Variants in JAK3 observed in about 807,000 individuals in gnomAD.
JAK3 encodes the protein Janus kinase 3, also known as tyrosine-protein kinase JAK3.
JAK3 carries 88 observed loss-of-function variants against 120.8 expected under a neutral mutation model. The observed-to-expected ratio is 0.73, with a 90% CI of 0.61 to 0.87. The LOEUF (loss-of-function observed/expected upper bound fraction) is 0.87, where lower values mean the gene tolerates loss of function less well. Ranked by LOEUF, JAK3 falls within the 40% of genes least tolerant of loss-of-function variation. The pLI is 0.00. For synonymous variants in JAK3, 592 were observed against 628.6 expected (o/e 0.94, Z 0.87); for missense variants, 1,254 against 1,501.4 (o/e 0.84, Z 2.72).
At chr19:17,840,058 C>T (rs147862784) in intron 9 of JAK3, among the ~76,000 whole-genome samples, 172 bp downstream of exon 9, 2 of 152,298 alleles carry the variant, frequency 1.3e-5, no homozygotes, top group Non-Finnish European at 2.9e-5. Context: ...TCTCCTAAAG[C>T]ACCATGAACT....
intron 14 of JAK3, among the ~76,000 whole-genome samples, 194 bp from the exon 15 acceptor site, chr19:17,835,409 C>T (rs2094222456): frequency 6.6e-6 from 1 of 152,190 alleles, no homozygotes; most frequent in Admixed American, 6.5e-5. Context: ...CCCTCCCCTT[C>T]TCAAACACCA....
chr19:17,839,738 CTTT>C (rs71164315), intron 9 of JAK3, 75 bp from the exon 10 acceptor site: 10,875 of 770,366 alleles, frequency 0.014, no homozygotes, highest in Middle Eastern at 0.019. Flanking sequence ...CCTTTTTTTT[CTTT>C]TTTTTTTTTT....
In JAK3 at chr19:17,844,225, T is replaced by C. The variant is rs201482044; in HGVS notation, c.184+9A>G. 1.9e-6 allele frequency: 3 copies of C among 1,581,914 alleles called. No individual in the cohort carries two copies. The highest frequency in any genetic ancestry group is 1.3e-5 in the African/African-American group (1 of 74,188). The stretch of plus-strand genomic sequence containing the variant: ...TCCCTCTGGCCCGATCCACTAGGGA[T>C]GCACTCACCGCTGGCCTTGGCAGCC... On this transcript the variant is annotated intron_variant, in intron 2 of 23. Transcript: ENST00000458235.
At chr19:17,839,170 A>C (rs2147690511) in intron 10 of JAK3, 1 of 511,088 alleles carries the variant, frequency 2.0e-6, no homozygotes, top group South Asian at 1.6e-5. Flanking sequence ...GGAGACTCAG[A>C]AGAACTCACA....
chr19:17,831,656 C>CG lies in JAK3; in HGVS notation c.2805+17dup, dbSNP rs2147676559. 3 of 1,601,064 alleles carry CG rather than the reference C, an allele frequency of 1.9e-6. No individual in the cohort carries two copies. In the South Asian group the frequency reaches 3.4e-5, roughly 18 times the overall value. The stretch of plus-strand genomic sequence containing the variant: ...GTGCCAGCTGAATCCCCACAAGTCC[C>CG]GGGGCGCCCCCTCGCACCTTGCAGA... On this transcript the variant is annotated intron_variant, in intron 20 of 23. Coordinates refer to ENST00000458235, the MANE Select transcript of JAK3 (RefSeq NM_000215.4). This position sits in a 1 kb window ranked among gnomAD's most constrained non-coding sequence, Gnocchi z 5.1.
intron 17 of JAK3, 145 bp from the exon 18 acceptor site, chr19:17,833,074 G>A: frequency 6.9e-7 from 1 of 1,442,550 alleles, no homozygotes; most frequent in East Asian, 2.5e-5. Flanking sequence ...GGTACCTTGT[G>A]GAGACTGGAA....
rs1372646193 is a variant in JAK3, at chr19:17,832,051, C to A, written c.2681-253G>T. On this transcript the variant is annotated intron_variant, in intron 19 of 23. Coordinates refer to ENST00000458235, the MANE Select transcript of JAK3 (RefSeq NM_000215.4). The surrounding 1 kb of genome is among the most constrained non-coding windows in gnomAD (Gnocchi z 4.7). ...GCACTTTGGAAGCCTCACTTGAGGT[C>A]AGGAGTTCAAGACCAGCCTGGCCAA... Among the ~76,000 whole-genome samples the A allele has an allele frequency of 6.6e-6, 1 of 152,164 alleles. No homozygotes were observed. The highest frequency in any genetic ancestry group is 2.4e-5 in the African/African-American group (1 of 41,442).
chr19:17,832,427 A>G lies in JAK3; in HGVS notation c.2680+92T>C. The G allele has an allele frequency of 8.0e-7, 1 of 1,250,702 alleles. No individual in the cohort carries two copies. The highest frequency in any genetic ancestry group is 1.2e-6 in the Non-Finnish European group (1 of 851,560). The allele number at this position is 1,250,702 out of a possible 1,614,324, so 77.5% of individuals were successfully genotyped here. A position where few individuals can be genotyped will look rare whatever the true frequency, so the allele number is the denominator to read the frequency against. ...AATCTGGATCAATAATCACGTTCCC[A>G]GCCTACCTAAAGTGGCCTGGCAGGA... On this transcript the variant is annotated intron_variant, in intron 19 of 23. Coordinates refer to ENST00000458235, the MANE Select transcript of JAK3 (RefSeq NM_000215.4). The surrounding 1 kb of genome is among the most constrained non-coding windows in gnomAD (Gnocchi z 4.7).
chr19:17,839,740 T>G, intron 9 of JAK3, 77 bp from the exon 10 acceptor site: 1 of 441,590 alleles, frequency 2.3e-6, no homozygotes, highest in Non-Finnish European at 3.2e-6. Context: ...TTTTTTTTCT[T>G]TTTTTTTTTT....
Position 17,826,858 on chromosome 19 carries a change from G to A in JAK3, c.3260C>T (p.Ser1087Leu). 6.2e-7 allele frequency: 1 copy of A among 1,613,836 alleles called. No individual in the cohort carries two copies. Among genetic ancestry groups the A allele is most frequent in the African/African-American group, 1.3e-5 (1 of 75,076 alleles). The change falls in exon 24 of 24, where the codon TCA becomes TTA. Residue 1087 changes from serine (S) to leucine (L), a missense_variant. Around this residue, in one of 3 missense-constraint regions of JAK3, gnomAD observed 630 missense variants for 819.8 expected, o/e 0.77. Transcript: ENST00000458235. ...CAGCTGGGGGCCCAGGGCGCTGAAT[G>A]ATGGCCGGTCCTGTGGGCTAGGGGC... ...CWAPSPQDRPSFSALGPQLDM... is the reference protein window; with the variant it reads ...CWAPSPQDRPLFSALGPQLDM...
In JAK3 at chr19:17,834,946, A is replaced by C; in HGVS notation, c.2105T>G (p.Leu702Arg). The C allele has an allele frequency of 1.2e-6, 2 of 1,614,164 alleles. No individual in the cohort carries two copies. The highest frequency in any genetic ancestry group is 1.7e-6 in the Non-Finnish European group (2 of 1,180,036). ...APECLREAQT[L>R]SLEADKWGFG... ...GCCCCACTTGTCAGCTTCCAAGCTA[A>C]GTGTCTGCGCCTCCCGGAGACACTC... The change falls in exon 16 of 24, where the codon CTT (leucine) becomes CGT (arginine). Residue 702 changes from leucine (L) to arginine (R), a missense_variant. Physicochemically the swap from Leu to Arg is moderately radical, Grantham distance 102. Around this residue, in one of 3 missense-constraint regions of JAK3, gnomAD observed 630 missense variants for 819.8 expected, o/e 0.77. Coordinates refer to ENST00000458235, the MANE Select transcript of JAK3 (RefSeq NM_000215.4).
chr19:17,838,499 G>T, intron 10 of JAK3, 109 bp from the exon 11 acceptor site: 2 of 1,215,504 alleles, frequency 1.6e-6, no homozygotes, highest in Non-Finnish European at 2.4e-6. Flanking sequence ...CCGACCCTGA[G>T]ATGAAGACTT....
chr19:17,830,817 T>C (rs538329364), intron 21 of JAK3, among the ~76,000 whole-genome samples, 197 bp from the exon 22 acceptor site: 11 of 82,738 alleles, frequency 1.3e-4, no homozygotes, highest in African/African-American at 5.2e-4. Context: ...GCTAAGGCTG[T>C]GGGGAGGAGG....
chr19:17,829,990 A>C lies in JAK3; in HGVS notation c.3207+118T>G, dbSNP rs868396379. 10 of 771,068 alleles carry C rather than the reference A, an allele frequency of 1.3e-5. No homozygotes were observed. In the African/African-American group the frequency reaches 1.5e-4, roughly 12 times the overall value. 47.8% of individuals were successfully genotyped at this position (771,068 alleles called of 1,614,324 possible). A position where few individuals can be genotyped will look rare whatever the true frequency, so the allele number is the denominator to read the frequency against. ...TAGCCAAGTGGGGGCCAGGATCCTC[A>C]TCGGCCTCACACTCTAGCCTTTCTT... On this transcript the variant is annotated intron_variant, in intron 23 of 23. Transcript: ENST00000458235.
Position 17,841,508 on chromosome 19 carries a change from G to T in JAK3, c.1023C>A (p.Phe341Leu). Residue 341 changes from phenylalanine (F) to leucine (L), a missense_variant, in exon 8 of 24, where the codon TTC (phenylalanine) becomes TTA (leucine). Phe to Leu is a conservative substitution (Grantham distance 22). Around this residue, in one of 3 missense-constraint regions of JAK3, gnomAD observed 486 missense variants for 503.0 expected, o/e 0.97. Transcript: ENST00000458235. This position sits in a 1 kb window ranked among gnomAD's most constrained non-coding sequence, Gnocchi z 4.1. ...GGAAGTAGCCGTCCACGAGCGCCAC[G>T]AACGACAGAGCCTCGGGCAGCCCTG... ...EFPGLPEALS[F>L]VALVDGYFRL... The T allele has an allele frequency of 6.3e-7, 1 of 1,578,556 alleles. No homozygotes were observed. Among genetic ancestry groups the T allele is most frequent in the East Asian group, 2.3e-5 (1 of 42,902 alleles).
At chr19:17,829,211 C>T (rs2094209362) in intron 23 of JAK3, among the ~76,000 whole-genome samples, 1 of 152,100 alleles carries the variant, frequency 6.6e-6, no homozygotes, top group African/African-American at 2.4e-5. Flanking sequence ...GTCGCCCAGG[C>T]TGGAGTGCAG....
chr19:17,830,027 G>C, intron 23 of JAK3, 81 bp downstream of exon 23: 1 of 987,512 alleles, frequency 1.0e-6, no homozygotes, highest in Non-Finnish European at 1.6e-6. Flanking sequence ...TCAGTACAGA[G>C]ACTCAGGCGC....
intron 22 of JAK3, 36 bp from the exon 23 acceptor site, chr19:17,830,254 A>G: frequency 7.4e-7 from 1 of 1,356,578 alleles, no homozygotes; most frequent in Non-Finnish European, 1.0e-6. Flanking sequence ...GTGGGGGAGG[A>G]GCCTCCGTGG....
At position 17,831,454 on chromosome 19, in the gene JAK3, T is replaced by C; in HGVS notation, c.2806-54A>G. The C allele has an allele frequency of 1.3e-6, 2 of 1,595,262 alleles. No individual in the cohort carries two copies. The highest frequency in any genetic ancestry group is 1.1e-5 in the South Asian group (1 of 90,904). On this transcript the variant is annotated intron_variant, in intron 20 of 23. Transcript: ENST00000458235. The surrounding 1 kb of genome is among the most constrained non-coding windows in gnomAD (Gnocchi z 5.1). Reference sequence around the variant, plus strand: ...GAGGATCCCAGGATAATCCGGCAGGTACCCCAAGCGTGACCTGGCACCCCA... The same window carrying C: ...GAGGATCCCAGGATAATCCGGCAGGCACCCCAAGCGTGACCTGGCACCCCA...
Sources: allele counts gnomAD v4.1 joint callset (sites outside exome capture counted in the v4.1 genomes callset), GRCh38; gene constraint gnomAD v4.1.1; regional missense constraint gnomAD v4.1.1; non-coding constraint Gnocchi (gnomAD v3.1); transcripts MANE v1.5; gene names NCBI Gene and HGNC (gene_info 2026-07-23, HGNC 2026-07-21).